The following TMPRSS13 variants were observed in gnomAD, a reference collection of about 807,000 sequenced individuals.
TMPRSS13 encodes transmembrane serine protease 13, also known as transmembrane protease serine 13.
In TMPRSS13, 50 loss-of-function variants were observed where a neutral mutation model predicts 68.4. That is an observed-to-expected ratio of 0.73 (90% confidence interval 0.58 to 0.93). The LOEUF is 0.93. Ranked by LOEUF, TMPRSS13 falls within the 40% of genes least tolerant of loss-of-function variation. The pLI is 0.00. For missense variants in TMPRSS13, 615 were observed against 729.2 expected (o/e 0.84, Z 1.80); for synonymous variants, 267 against 285.8 (o/e 0.93, Z 0.66).
At position 117,908,801 on chromosome 11, in the gene TMPRSS13, G is replaced by C. The variant is rs200746828; in HGVS notation, c.1110-17C>G. 6.3e-7 allele frequency: 1 copy of C among 1,587,658 alleles called. No individual in the cohort carries two copies. Among genetic ancestry groups the C allele is most frequent in the African/African-American group, 1.3e-5 (1 of 74,868 alleles). On this transcript the variant is annotated splice_polypyrimidine_tract_variant and intron_variant, in intron 8 of 12. Coordinates refer to ENST00000524993, the MANE Select transcript of TMPRSS13 (RefSeq NM_001077263.3). Reference sequence around the variant, plus strand: ...TCCCGGGTCCTGCAAGAGCCACAAAGGAGCGTGGTCCAGTACCTGCCTGGC... The same window carrying C: ...TCCCGGGTCCTGCAAGAGCCACAAACGAGCGTGGTCCAGTACCTGCCTGGC...
intron 9 of TMPRSS13, among the ~76,000 whole-genome samples, chr11:117,906,737 C>T (rs1490082258): frequency 6.6e-6 from 1 of 152,016 alleles, no homozygotes; most frequent in Admixed American, 6.6e-5. Context: ...TTCTATGCCC[C>T]TTTTTGAGAT....
chr11:117,905,554 C>G, intron 10 of TMPRSS13, 84 bp downstream of exon 10: 2 of 1,203,038 alleles, frequency 1.7e-6, no homozygotes, highest in South Asian at 2.7e-5. Flanking sequence ...ATCTGTATAC[C>G]CAGACACATT....
chr11:117,928,056 C>T (rs1007946347), intron 1 of TMPRSS13, among the ~76,000 whole-genome samples: 112 of 152,200 alleles, frequency 7.4e-4, no homozygotes, highest in African/African-American at 2.6e-3. Context: ...GGGAGCATGG[C>T]CACCCTCCGG....
rs144849116 is a variant in TMPRSS13, at chr11:117,918,703, G to A, written c.157C>T (p.Arg53Trp). The change falls in exon 2 of 13, where the codon CGG (arginine) becomes TGG (tryptophan). Residue 53 changes from arginine to tryptophan, a missense_variant. Arg to Trp is a moderately radical substitution (Grantham distance 101, BLOSUM62 -3). Transcript: ENST00000524993. Reference protein sequence around the residue: ...QASPAGTPPGRASPAQASPAG... With the variant: ...QASPAGTPPGWASPAQASPAG... ...GGAGATGCCTGGGCTGGAGATGCCC[G>A]GCCCGGAGGTGTCCCAGCTGGAGAT... The A allele has an allele frequency of 2.6e-3, 4,143 of 1,604,340 alleles. 67 individuals are homozygous for A. The African/African-American group carries it at 0.041, about 16-fold the overall frequency.
At chr11:117,908,369 C>A in intron 9 of TMPRSS13, 1 of 612,748 alleles carries the variant, frequency 1.6e-6, no homozygotes. Context: ...CAAGCCCTGA[C>A]TCCGTCATCA....
rs2057600906 is a variant in TMPRSS13, at chr11:117,918,417, T to G, written c.443A>C (p.Glu148Ala). The G allele has an allele frequency of 1.2e-6, 2 of 1,613,358 alleles. No homozygotes were observed. The highest frequency in any genetic ancestry group is 1.7e-6 in the Non-Finnish European group (2 of 1,179,428). Residue 148 changes from glutamate to alanine, a missense_variant, in exon 2 of 13, where the codon GAG becomes GCG. Transcript: ENST00000524993. ...RSAPATRATR[E>A]SPGTSLPKFT... Reference sequence around the variant, plus strand: ...TACAGCATCCCCCTTACCTGGGCTCTCCCTGGTGGCCCTGGTTGCTGGTGC... The same window carrying G: ...TACAGCATCCCCCTTACCTGGGCTCGCCCTGGTGGCCCTGGTTGCTGGTGC...
chr11:117,916,263 C>T (rs1180088115), intron 3 of TMPRSS13, among the ~76,000 whole-genome samples: 3 of 152,220 alleles, frequency 2.0e-5, no homozygotes, highest in African/African-American at 4.8e-5. Flanking sequence ...TTTGGTTAGG[C>T]GGGTCCCTTC....
chr11:117,903,083 G>C, intron 12 of TMPRSS13: 2 of 1,188,036 alleles, frequency 1.7e-6, no homozygotes, highest in Non-Finnish European at 2.1e-6. Flanking sequence ...TTTTATGATA[G>C]TAGTGAGGTT....
In TMPRSS13 at chr11:117,914,327, A is replaced by G. The variant is rs767837333; in HGVS notation, c.679+65T>C. ...CAGGCATGCATACACACACACATAT[A>G]CAAACAGGCACACAAACACATGCAC... On this transcript the variant is annotated intron_variant, in intron 4 of 12. Coordinates refer to ENST00000524993, the MANE Select transcript of TMPRSS13 (RefSeq NM_001077263.3). This position sits in a 1 kb window ranked among gnomAD's most constrained non-coding sequence, Gnocchi z 4.2. The G allele has an allele frequency of 1.3e-5, 21 of 1,598,152 alleles. No individual in the cohort carries two copies. Among genetic ancestry groups the G allele is most frequent in the Admixed American group, 3.3e-5 (2 of 59,774 alleles).
Position 117,913,854 on chromosome 11 carries a change from A to C in TMPRSS13, c.732T>G (p.His244Gln), listed in dbSNP as rs372704212. The change falls in exon 5 of 13, where the codon CAT becomes CAG. Residue 244 changes from histidine (H) to glutamine (Q), a missense_variant. His to Gln is a conservative substitution (Grantham distance 24). Coordinates refer to ENST00000524993, the MANE Select transcript of TMPRSS13 (RefSeq NM_001077263.3). ...SLLKIYSGSSHQWLPICSSNW... is the reference protein window; with the variant it reads ...SLLKIYSGSSQQWLPICSSNW... The stretch of plus-strand genomic sequence containing the variant: ...TGCTGCTACAGATGGGAAGCCACTG[A>C]TGGGAGGACCCAGAGTAGATTTTAA... 3.1e-6 allele frequency: 5 copies of C among 1,613,966 alleles called. No homozygotes were observed. In the African/African-American group the frequency reaches 6.7e-5, roughly 22 times the overall value.
intron 5 of TMPRSS13, among the ~76,000 whole-genome samples, 177 bp downstream of exon 5, chr11:117,913,600 T>G (rs1003083065): frequency 1.5e-5 from 2 of 135,930 alleles, no homozygotes; most frequent in African/African-American, 5.0e-5. Flanking sequence ...TGCTCCAGAC[T>G]CATAGGATCT....
At chr11:117,923,872 C>T (rs2057671817) in intron 1 of TMPRSS13, among the ~76,000 whole-genome samples, 1 of 145,464 alleles carries the variant, frequency 6.9e-6, no homozygotes, top group Non-Finnish European at 1.5e-5. Flanking sequence ...CCTTCTAGTC[C>T]TGAAGAATGT....
chr11:117,910,548 G>C, intron 7 of TMPRSS13, 159 bp downstream of exon 7: 1 of 617,920 alleles, frequency 1.6e-6, no homozygotes, highest in Non-Finnish European at 2.8e-6. Context: ...GGGTGTACCG[G>C]TGCCTTACAG....
intron 5 of TMPRSS13, among the ~76,000 whole-genome samples, chr11:117,912,703 C>T (rs1335131393): frequency 6.6e-6 from 1 of 152,242 alleles, no homozygotes; most frequent in African/African-American, 2.4e-5. Context: ...CTTAGTGCTT[C>T]ACCCACATCC....
chr11:117,919,531 C>T (rs922907010), intron 1 of TMPRSS13, among the ~76,000 whole-genome samples: 1 of 152,228 alleles, frequency 6.6e-6, no homozygotes. Flanking sequence ...TGCCAGGGAT[C>T]CTGGCACTGT....
chr11:117,909,456 G>T (rs972464250), intron 8 of TMPRSS13, among the ~76,000 whole-genome samples: 5 of 152,150 alleles, frequency 3.3e-5, no homozygotes, highest in Non-Finnish European at 7.3e-5. Flanking sequence ...GATAACTAGG[G>T]GCTCCTCTGC....
intron 9 of TMPRSS13, among the ~76,000 whole-genome samples, chr11:117,905,993 G>A (rs2057461370): frequency 6.6e-6 from 1 of 152,200 alleles, no homozygotes; most frequent in Admixed American, 6.5e-5. Flanking sequence ...GTTGCCCTGT[G>A]GTCAGATGCG....
In TMPRSS13 at chr11:117,909,653, G is replaced by A. The variant is rs113680713; in HGVS notation, c.1109+153C>T. On this transcript the variant is annotated intron_variant, in intron 8 of 12. Transcript: ENST00000524993. ...CCCCGACCCACACTCTCAGGACCAGGTGAACACCCAAGCTACACCAGTGCC... is the reference window on the plus strand; with the variant it reads ...CCCCGACCCACACTCTCAGGACCAGATGAACACCCAAGCTACACCAGTGCC... Among the ~76,000 whole-genome samples the A allele has an allele frequency of 1.0e-3, 154 of 152,298 alleles. No homozygotes were observed. The Middle Eastern group carries it at 0.01, about 10-fold the overall frequency.
intron 10 of TMPRSS13, among the ~76,000 whole-genome samples, chr11:117,904,483 A>G (rs12797743): frequency 0.017 from 2,513 of 152,122 alleles, 32 homozygotes; most frequent in Non-Finnish European, 0.026. Context: ...GCATTAATCC[A>G]TTTACCGGTG....
Sources: gnomAD v4.1 joint callset for allele counts (sites outside exome capture counted in the v4.1 genomes callset) on GRCh38, gnomAD v4.1.1 for gene constraint, Gnocchi (gnomAD v3.1) non-coding constraint, MANE v1.5 for transcripts, NCBI Gene and HGNC (gene_info 2026-07-23, HGNC 2026-07-21) for gene names.